Variants in CHID1 observed in about 807,000 individuals in gnomAD.
CHID1 encodes chitinase domain-containing protein 1.
Under a neutral mutation model 55.4 loss-of-function variants are expected in CHID1, and 44 were observed. That is an observed-to-expected ratio of 0.79 (90% CI 0.62 to 1.02). CHID1 has a LOEUF of 1.02. Among genes scored for constraint, CHID1 ranks in the 50% least tolerant of loss-of-function variants. The pLI is 0.00. For missense variants in CHID1, 491 were observed against 515.3 expected (o/e 0.95, Z 0.46); for synonymous variants, 216 against 212.9 (o/e 1.01, Z -0.13).
At chr11:910,518 C>T (rs1825695800) in intron 1 of CHID1, 2 of 875,434 alleles carry the variant, frequency 2.3e-6, no homozygotes, top group Admixed American at 4.8e-5. Flanking sequence ...CGACACGCGC[C>T]CCCGTCCACA....
intron 1 of CHID1, 152 bp downstream of exon 1, chr11:910,623 T>G: frequency 7.9e-7 from 1 of 1,258,914 alleles, no homozygotes; most frequent in Non-Finnish European, 1.0e-6. Context: ...CCTCACACAC[T>G]TGCTCTCTCT....
At chr11:891,555 C>T (rs564246792) in intron 8 of CHID1, among the ~76,000 whole-genome samples, 2 of 152,312 alleles carry the variant, frequency 1.3e-5, no homozygotes, top group East Asian at 3.9e-4. Flanking sequence ...CCCTGGGCTC[C>T]TGAGCTGGTC....
intron 10 of CHID1, among the ~76,000 whole-genome samples, chr11:880,237 G>A (rs1849809200): frequency 1.3e-5 from 2 of 152,222 alleles, no homozygotes; most frequent in African/African-American, 2.4e-5. Context: ...CTCACTGGGT[G>A]AGACGTGGGA....
chr11:882,939 T>A, intron 10 of CHID1: 1 of 548,640 alleles, frequency 1.8e-6, no homozygotes, highest in Non-Finnish European at 3.2e-6. Context: ...CACGCAGATG[T>A]GTGGCCGTGT....
At chr11:889,426 C>T (rs1850643340) in intron 8 of CHID1, among the ~76,000 whole-genome samples, 1 of 152,188 alleles carries the variant, frequency 6.6e-6, no homozygotes, top group African/African-American at 2.4e-5. Context: ...TCCACGTCAA[C>T]CCCTCCCGCC....
intron 8 of CHID1, among the ~76,000 whole-genome samples, chr11:885,207 AC>A (rs749341218): frequency 7.2e-5 from 11 of 152,130 alleles, no homozygotes; most frequent in Non-Finnish European, 1.5e-4. Flanking sequence ...CCAAATCTGG[AC>A]CACGCCAAGG....
intron 10 of CHID1, among the ~76,000 whole-genome samples, chr11:874,354 T>C (rs1455376152): frequency 6.6e-6 from 1 of 152,070 alleles, no homozygotes; most frequent in Non-Finnish European, 1.5e-5. Flanking sequence ...TCCCAGCTAC[T>C]TGGGAGGCTG....
chr11:870,245 ACTC>A, intron 11 of CHID1, 82 bp from the exon 12 acceptor site: 4 of 1,573,714 alleles, frequency 2.5e-6, no homozygotes, highest in Non-Finnish European at 3.5e-6. Context: ...CACGGCCTGT[ACTC>A]CTCCCACCCA....
At chr11:903,759 C>T in intron 2 of CHID1, 1 of 197,982 alleles carries the variant, frequency 5.1e-6, no homozygotes, top group South Asian at 5.9e-5. Flanking sequence ...CCAGCCTGGG[C>T]AACAAGAGCA....
chr11:883,330 C>T, intron 9 of CHID1, 27 bp from the exon 10 acceptor site: 1 of 1,595,194 alleles, frequency 6.3e-7, no homozygotes. Flanking sequence ...GAGCGAGTTT[C>T]AGCAACAGGG....
intron 7 of CHID1, among the ~76,000 whole-genome samples, chr11:894,754 C>T (rs1184464729): frequency 2.0e-5 from 3 of 152,158 alleles, no homozygotes; most frequent in South Asian, 2.1e-4. Context: ...TAGGTCAGGA[C>T]GAGGTGACGG....
intron 9 of CHID1, 101 bp downstream of exon 9, chr11:883,967 G>C: frequency 1.1e-6 from 1 of 925,998 alleles, no homozygotes; most frequent in East Asian, 2.5e-5. Context: ...CAGAACCACA[G>C]GCAAGAGGGC....
At position 902,964 on chromosome 11, in the gene CHID1, G is replaced by T; in HGVS notation, c.259C>A (p.Pro87Thr). The T allele has an allele frequency of 6.2e-7, 1 of 1,613,330 alleles. No homozygotes were observed. The highest frequency in any genetic ancestry group is 8.5e-7 in the Non-Finnish European group (1 of 1,179,464). ...FAGDVLGYVT[P>T]WNSHGYDVTK... is the part of the protein sequence containing the mutation. ...GCACTGTGAGGGCCCCAACTTACTG[G>T]AGTGACATAGCCCAGTACATCCCCA... Residue 87 changes from proline (P) to threonine (T), a missense_variant and splice_region_variant, in exon 3 of 13, where the codon CCA becomes ACA. By Grantham distance (38) the Pro-to-Thr change is conservative. Transcript: ENST00000323578.
intron 10 of CHID1, chr11:882,909 C>G (rs1443078244): frequency 2.1e-6 from 1 of 469,532 alleles, no homozygotes; most frequent in African/African-American, 2.3e-5. Context: ...CCCAGCCTCA[C>G]GCAGATGTGG....
upstream of CHID1, among the ~76,000 whole-genome samples, chr11:913,149 C>G (rs868440579): frequency 2.1e-3 from 312 of 149,764 alleles, 2 homozygotes; most frequent in African/African-American, 7.5e-3. Flanking sequence ...TTGCCCCCCC[C>G]CGCAAAAAAA....
intron 4 of CHID1, 123 bp from the exon 5 acceptor site, chr11:901,103 C>G: frequency 1.2e-6 from 1 of 846,976 alleles, no homozygotes; most frequent in Non-Finnish European, 1.8e-6. Flanking sequence ...GGCGGGCAGG[C>G]AGGTGTGAGA....
intron 8 of CHID1, among the ~76,000 whole-genome samples, chr11:889,602 G>A (rs945020118): frequency 6.6e-6 from 1 of 152,164 alleles, no homozygotes; most frequent in African/African-American, 2.4e-5. Flanking sequence ...CAGGCTGAAT[G>A]TGAGGAAGGC....
In CHID1 at chr11:869,721, A is replaced by G. The variant is rs562626848; in HGVS notation, c.*137T>C. 7 of 743,772 alleles carry G rather than the reference A, an allele frequency of 9.4e-6. No homozygotes were observed. In the East Asian group the frequency reaches 1.8e-4, roughly 19 times the overall value. The allele number at this position is 743,772 out of a possible 1,614,324, so 46.1% of individuals were successfully genotyped here. On this transcript the variant is annotated 3_prime_UTR_variant, in exon 13 of 13. Transcript: ENST00000323578. ...CCCTCATGGGAGGATGGGGAGTCAC[A>G]TGGTGCCCAGGACCCCCGACTGAGG...
intron 7 of CHID1, among the ~76,000 whole-genome samples, chr11:898,750 C>T (rs1289505846): frequency 3.9e-5 from 6 of 152,170 alleles, no homozygotes; most frequent in Non-Finnish European, 8.8e-5. Context: ...TCATGTGGCC[C>T]ACAGGGAGTG....
Sources: gnomAD v4.1 joint callset for allele counts (sites outside exome capture counted in the v4.1 genomes callset) on GRCh38, gnomAD v4.1.1 for gene constraint, MANE v1.5 for transcripts, NCBI Gene and HGNC (gene_info 2026-07-23, HGNC 2026-07-21) for gene names.